EPM2A: variants seen among roughly 807,000 people sequenced by gnomAD.
EPM2A encodes the protein laforin.
A neutral mutation model predicts 26.5 loss-of-function variants in EPM2A; 21 were observed. The observed-to-expected ratio is 0.79, with a 90% CI of 0.56 to 1.14. The LOEUF is 1.14. EPM2A is among the 50% of genes most tolerant of loss of function. The probability of loss-of-function intolerance (pLI) is 0.00; values close to 1 mark genes in which losing one functional copy is unlikely to be tolerated. For synonymous variants in EPM2A, 217 were observed against 177.6 expected, an observed-to-expected ratio of 1.22 and a Z score of -1.76; for missense variants, 458 against 440.8, an observed-to-expected ratio of 1.04 and a Z score of -0.35.
At chr6:145,644,452 G>GT (rs575679785) in intron 2 of EPM2A, among the ~76,000 whole-genome samples, 1 of 151,788 alleles carries the variant, frequency 6.6e-6, no homozygotes, top group African/African-American at 2.4e-5. Flanking sequence ...AGCTGCATAA[G>GT]TTTTTTTTAT....
intron 2 of EPM2A, among the ~76,000 whole-genome samples, chr6:145,543,316 T>G (rs1780539966): frequency 6.6e-6 from 1 of 152,080 alleles, no homozygotes; most frequent in Non-Finnish European, 1.5e-5. Flanking sequence ...CAGAAAGGTG[T>G]CTACACAAGC....
chr6:145,417,312 CTT>C (rs1778721600), intron 4 of EPM2A, among the ~76,000 whole-genome samples: 1 of 152,156 alleles, frequency 6.6e-6, no homozygotes, highest in Admixed American at 6.5e-5. Context: ...AGGAAAAACA[CTT>C]TTGCATTTTG....
intron 2 of EPM2A, among the ~76,000 whole-genome samples, chr6:145,550,810 A>C (rs1780644707): frequency 6.6e-6 from 1 of 152,186 alleles, no homozygotes; most frequent in Non-Finnish European, 1.5e-5. Flanking sequence ...TTTTATTGTA[A>C]GAATAAACTA....
intron 4 of EPM2A, among the ~76,000 whole-genome samples, chr6:145,430,869 G>T (rs923641453): frequency 6.6e-5 from 10 of 152,072 alleles, no homozygotes; most frequent in East Asian, 1.9e-4. Context: ...CATAGTTTCA[G>T]CCTCAGAAAG....
chr6:145,627,098 A>C lies in EPM2A; in HGVS notation c.*318T>G. The C allele has an allele frequency of 1.6e-6, 2 of 1,262,090 alleles. No homozygotes were observed. The highest frequency in any genetic ancestry group is 2.0e-6 in the Non-Finnish European group (2 of 992,456). The allele number at this position is 1,262,090 out of a possible 1,614,324, so 78.2% of individuals were successfully genotyped here. A position where few individuals can be genotyped will look rare whatever the true frequency, so the allele number is the denominator to read the frequency against. On this transcript the variant is annotated 3_prime_UTR_variant, in exon 4 of 4. Transcript: ENST00000367519. ...TGCTGTCACGGATCCATCGTGCAAC[A>C]CATACAGTGCTGTAAAGCAAAGGCC...
At chr6:145,390,743 C>G (rs1187745080) in intron 4 of EPM2A, among the ~76,000 whole-genome samples, 1 of 152,090 alleles carries the variant, frequency 6.6e-6, no homozygotes, top group African/African-American at 2.4e-5. Context: ...ATTTTTACAT[C>G]ATATTTTTTC....
In EPM2A at chr6:145,462,367, T is replaced by G. The variant is rs913403665; in HGVS notation, c.555+40155A>C. ...ACAAATATATCATTCCCTTTTTGCA[T>G]GAAGTCAAATGGGAAATTTACATAA... is the stretch of plus-strand genomic sequence containing the variant. On this transcript the variant is annotated intron_variant, in intron 4 of 4. Coordinates refer to the EPM2A transcript ENST00000638717. Among the ~76,000 whole-genome samples, 3 of 152,202 alleles carry G rather than the reference T, an allele frequency of 2.0e-5. No individual in the cohort carries two copies. In the South Asian group the frequency reaches 6.2e-4, roughly 32 times the overall value.
At position 145,461,963 on chromosome 6, in the gene EPM2A, T is replaced by C. The variant is rs551700714; in HGVS notation, c.555+40559A>G. ...GACATGGTACTTCCACATATCACAG[T>C]ATGCAAAAGCGTAAGCTCAGGAGCC... On this transcript the variant is annotated intron_variant, in intron 4 of 4. Transcript: ENST00000638717. 3.3e-5 allele frequency among the ~76,000 whole-genome samples: 5 copies of C among 152,306 alleles called. No homozygotes were observed. The South Asian group carries it at 1.0e-3, about 32-fold the overall frequency.
At chr6:145,550,569 C>G (rs1199764918) in intron 2 of EPM2A, among the ~76,000 whole-genome samples, 1 of 151,864 alleles carries the variant, frequency 6.6e-6, no homozygotes, top group Non-Finnish European at 1.5e-5. Context: ...CAAGAAACTC[C>G]CTAAATCCAG....
chr6:145,469,642 C>T (rs371282022), intron 4 of EPM2A, among the ~76,000 whole-genome samples: 5 of 151,976 alleles, frequency 3.3e-5, no homozygotes, highest in East Asian at 1.9e-4. Flanking sequence ...AAAGTAGGGT[C>T]GTACAATCCA....
intron 4 of EPM2A, among the ~76,000 whole-genome samples, chr6:145,425,878 A>G (rs1276456384): frequency 6.6e-6 from 1 of 152,172 alleles, no homozygotes; most frequent in East Asian, 1.9e-4. Flanking sequence ...AGGTATTACT[A>G]TTAGATACTT....
At chr6:145,413,531 G>T (rs1395723004) in intron 4 of EPM2A, among the ~76,000 whole-genome samples, 1 of 152,068 alleles carries the variant, frequency 6.6e-6, no homozygotes, top group Non-Finnish European at 1.5e-5. Flanking sequence ...TCCAGCCCGT[G>T]GTTGAATCAT....
chr6:145,526,009 T>C (rs770608165), intron 2 of EPM2A, among the ~76,000 whole-genome samples: 3 of 152,104 alleles, frequency 2.0e-5, no homozygotes, highest in Non-Finnish European at 4.4e-5. Flanking sequence ...TGAAGGGATG[T>C]TGCATTTTAT....
intron 4 of EPM2A, among the ~76,000 whole-genome samples, chr6:145,444,125 C>G (rs1164058291): frequency 6.6e-6 from 1 of 152,124 alleles, no homozygotes; most frequent in African/African-American, 2.4e-5. Context: ...TGCCTGACTG[C>G]TCTGGCCAGG....
intron 4 of EPM2A, among the ~76,000 whole-genome samples, chr6:145,474,663 A>G (rs1779519921): frequency 1.3e-5 from 2 of 152,172 alleles, no homozygotes; most frequent in Admixed American, 1.3e-4. Context: ...AAAAGAAACT[A>G]TTATCAGATT....
At chr6:145,536,437 AG>A (rs1394407527) in intron 2 of EPM2A, among the ~76,000 whole-genome samples, 2 of 152,104 alleles carry the variant, frequency 1.3e-5, no homozygotes, top group African/African-American at 4.8e-5. Context: ...CTGGCATTAC[AG>A]GCCTGTGCCA....
intron 2 of EPM2A, among the ~76,000 whole-genome samples, chr6:145,519,606 G>T (rs529728051): frequency 6.6e-6 from 1 of 152,154 alleles, no homozygotes; most frequent in African/African-American, 2.4e-5. Flanking sequence ...ATGTTAGAAT[G>T]CAGGGAAGAG....
chr6:145,536,561 T>G (rs1170714426), intron 2 of EPM2A, among the ~76,000 whole-genome samples: 1 of 152,052 alleles, frequency 6.6e-6, no homozygotes, highest in Non-Finnish European at 1.5e-5. Context: ...CCTCCAAAAG[T>G]GCTGGGATTA....
chr6:145,402,881 A>G (rs1778509387), intron 4 of EPM2A, among the ~76,000 whole-genome samples: 1 of 152,156 alleles, frequency 6.6e-6, no homozygotes, highest in Non-Finnish European at 1.5e-5. Flanking sequence ...TTTCTATGTA[A>G]TAGCCTAGAA....
Sources: allele counts gnomAD v4.1 joint callset (sites outside exome capture counted in the v4.1 genomes callset), GRCh38; gene constraint gnomAD v4.1.1; transcripts MANE v1.5; gene names NCBI Gene and HGNC (gene_info 2026-07-23, HGNC 2026-07-21).